Variants in DNAH3 observed in about 807,000 individuals in gnomAD.
DNAH3 encodes the protein dynein axonemal heavy chain 3.
In DNAH3, 332 loss-of-function variants were observed where a neutral mutation model predicts 432.5. The observed-to-expected ratio is 0.77, with a 90% confidence interval of 0.70 to 0.84. The LOEUF is 0.84. Ranked by LOEUF, DNAH3 falls within the 40% of genes least tolerant of loss-of-function variation. DNAH3 has a pLI of 0.00. For synonymous variants in DNAH3, 1,956 were observed against 1,900.2 expected (o/e 1.03, Z -0.76); for missense variants, 4,861 against 5,114.0 (o/e 0.95, Z 1.51).
rs1242948677 is a variant in DNAH3 at position 21,052,284 on chromosome 16, G to A, written c.4040-416C>T. On this transcript the variant is annotated intron_variant, in intron 28 of 61. Transcript: ENST00000261383. ...TGAGATTACAGGCGTGAGCCACCGT[G>A]CCCAGCCCAAACAATTTTAGATTTC... 1.2e-4 allele frequency among the ~76,000 whole-genome samples: 18 copies of A among 152,272 alleles called. No homozygotes were observed. The East Asian group carries it at 3.5e-3, about 29-fold the overall frequency.
intron 18 of DNAH3, among the ~76,000 whole-genome samples, chr16:21,088,609 T>G (rs2091448492): frequency 6.6e-6 from 1 of 152,182 alleles, no homozygotes; most frequent in African/African-American, 2.4e-5. Flanking sequence ...GATCCCTTTA[T>G]CCACATGACG....
At chr16:21,083,774 T>A (rs1046736637) in intron 19 of DNAH3, among the ~76,000 whole-genome samples, 4 of 151,996 alleles carry the variant, frequency 2.6e-5, no homozygotes, top group Admixed American at 6.5e-5. Flanking sequence ...GAGAATGACA[T>A]CCCCAGGCCT....
intron 14 of DNAH3, among the ~76,000 whole-genome samples, chr16:21,110,639 T>G (rs756360812): frequency 3.3e-5 from 5 of 152,208 alleles, no homozygotes; most frequent in Non-Finnish European, 5.9e-5. Context: ...TGAGCTTCTA[T>G]CCATTATAAC....
upstream of DNAH3, chr16:21,159,442 C>T (rs2092939604): frequency 1.2e-6 from 2 of 1,613,482 alleles, no homozygotes; most frequent in Non-Finnish European, 1.7e-6. Context: ...TAGCTCCCAT[C>T]CCCCAACCAG....
intron 31 of DNAH3, among the ~76,000 whole-genome samples, chr16:21,048,767 C>G (rs2089830948): frequency 6.6e-6 from 1 of 151,444 alleles, no homozygotes; most frequent in Non-Finnish European, 1.5e-5. Context: ...GATCTTGGCT[C>G]ATTGCAACCT....
Position 21,145,426 on chromosome 16 carries a change from G to C in DNAH3, c.223-20C>G, listed in dbSNP as rs1416856623. On this transcript the variant is annotated intron_variant, in intron 2 of 61. Transcript: ENST00000261383. ...GACAGTCTACGAGGTAAGAAGTGCA[G>C]AGTGAGACACAATGAGGAACATCTC... 6.3e-7 allele frequency: 1 copy of C among 1,597,630 alleles called. No homozygotes were observed. Among genetic ancestry groups the C allele is most frequent in the South Asian group, 1.1e-5 (1 of 90,630 alleles).
In DNAH3 at chr16:21,024,690, A is replaced by T. The variant is rs1480610172; in HGVS notation, c.5552T>A (p.Ile1851Asn). ...GCCTAGTTGATGGGGCTCCATGTAG[A>T]TCATCCCACACCTGGGAAGCACAGA... Residue 1851 changes from isoleucine (I) to asparagine (N), a missense_variant, in exon 39 of 62, where the codon ATC (isoleucine) becomes AAC (asparagine). Transcript: ENST00000261383. The T allele has an allele frequency of 1.9e-6, 3 of 1,613,590 alleles. No homozygotes were observed. In the Admixed American group the frequency reaches 5.0e-5, roughly 27 times the overall value.
chr16:21,155,730 G>A (rs1299928259), intron 1 of DNAH3, among the ~76,000 whole-genome samples: 3 of 151,500 alleles, frequency 2.0e-5, no homozygotes, highest in Non-Finnish European at 2.9e-5. Flanking sequence ...CTGAAATTCA[G>A]ATTTAATTGA....
At chr16:20,989,448 T>C (rs2086422331) in intron 44 of DNAH3, among the ~76,000 whole-genome samples, 2 of 152,044 alleles carry the variant, frequency 1.3e-5, no homozygotes, top group African/African-American at 4.8e-5. Flanking sequence ...AGCAGCTAGA[T>C]ACAGAGTGTC....
At chr16:21,013,641 C>A (rs2087713749) in intron 41 of DNAH3, among the ~76,000 whole-genome samples, 1 of 149,376 alleles carries the variant, frequency 6.7e-6, no homozygotes, top group Admixed American at 6.8e-5. Context: ...ATTGCTTGAA[C>A]CTGGGAGGAG....
At chr16:21,043,014 T>C (rs1294828048) in intron 31 of DNAH3, among the ~76,000 whole-genome samples, 1 of 152,230 alleles carries the variant, frequency 6.6e-6, no homozygotes, top group Admixed American at 6.5e-5. Context: ...TCATTTTTTA[T>C]GGCTGCATAG....
chr16:21,141,245 TC>T lies in DNAH3; in HGVS notation c.521+54del, dbSNP rs2092714556. ...AGAGTGTGGCTTTAGTGAGACCACA[TC>T]CTTCTGTTCAGCCCACCGTCCTGCC... On this transcript the variant is annotated intron_variant, in intron 4 of 61. Coordinates refer to ENST00000261383, the Ensembl canonical transcript of DNAH3. 6 of 1,246,194 alleles carry T rather than the reference TC, an allele frequency of 4.8e-6. No individual in the cohort carries two copies. In the East Asian group the frequency reaches 1.5e-4, roughly 31 times the overall value. The allele number at this position is 1,246,194 out of a possible 1,614,324, so 77.2% of individuals were successfully genotyped here. A position where few individuals can be genotyped will look rare whatever the true frequency, so the allele number is the denominator to read the frequency against.
Position 21,153,576 on chromosome 16 carries a change from G to A in DNAH3, c.117+5749C>T, listed in dbSNP as rs13339063. 5.9e-3 allele frequency among the ~76,000 whole-genome samples: 893 copies of A among 152,242 alleles called. 15 individuals carry two copies. The highest frequency in any genetic ancestry group is 0.02 in the African/African-American group (849 of 41,534). ...AAGCCGCTTGATCCCCTTCTACAAC[G>A]TGGAAGGTTTGTTCTTTCACTGTTT... is the stretch of plus-strand genomic sequence containing the variant. On this transcript the variant is annotated intron_variant, in intron 1 of 61. Coordinates refer to ENST00000261383, the Ensembl canonical transcript of DNAH3.
At chr16:21,072,837 T>TTAC (rs1288835637) in intron 21 of DNAH3, among the ~76,000 whole-genome samples, 1 of 147,584 alleles carries the variant, frequency 6.8e-6, no homozygotes, top group East Asian at 2.0e-4. Context: ...ATTATTATTA[T>TTAC]TATTACTATT....
intron 26 of DNAH3, 65 bp downstream of exon 26, chr16:21,060,199 C>G: frequency 1.5e-6 from 2 of 1,335,390 alleles, no homozygotes; most frequent in Non-Finnish European, 2.2e-6. Context: ...GACACATGAA[C>G]CTTCTCCCCA....
intron 29 of DNAH3, 84 bp downstream of exon 29, chr16:21,051,586 A>C: frequency 2.2e-6 from 3 of 1,394,620 alleles, no homozygotes; most frequent in Non-Finnish European, 3.0e-6. Context: ...AGGTAACCCA[A>C]GACATCCCTA....
At chr16:20,976,219 A>G (rs1298867413) in intron 50 of DNAH3, among the ~76,000 whole-genome samples, 1 of 151,712 alleles carries the variant, frequency 6.6e-6, no homozygotes, top group Non-Finnish European at 1.5e-5. Flanking sequence ...TTTTTTTGAG[A>G]TGGAGTCTCA....
Position 21,062,684 on chromosome 16 carries a change from C to G in DNAH3, c.3519-1G>C. 6.2e-7 allele frequency: 1 copy of G among 1,610,068 alleles called. No individual in the cohort carries two copies. The highest frequency in any genetic ancestry group is 8.5e-7 in the Non-Finnish European group (1 of 1,177,502). ...CTCATCGTTTGATAGGAAGAAGAAT[C>G]TATTTCAAAGCAAAGAAAGATGGTA... On this transcript the variant is annotated splice_acceptor_variant, in intron 24 of 61. Transcript: ENST00000261383. LOFTEE classifies it high-confidence loss of function.
chr16:20,962,274 A>T (rs2084857676), intron 53 of DNAH3, among the ~76,000 whole-genome samples: 2 of 152,230 alleles, frequency 1.3e-5, no homozygotes, highest in Non-Finnish European at 2.9e-5. Flanking sequence ...TATTAAAGTC[A>T]GTGGTTCCCA....
Sources: gnomAD v4.1 joint callset for allele counts (sites outside exome capture counted in the v4.1 genomes callset) on GRCh38, gnomAD v4.1.1 for gene constraint, MANE v1.5 for transcripts, NCBI Gene and HGNC (gene_info 2026-07-23, HGNC 2026-07-21) for gene names.